The following MORF4L1 variants were observed in gnomAD, a reference collection of about 807,000 sequenced individuals.
MORF4L1 encodes mortality factor 4-like protein 1.
In MORF4L1, 4 loss-of-function variants were observed where a neutral mutation model predicts 52.9. The ratio of observed to expected loss-of-function variants is 0.08; its 90% CI spans 0.04 to 0.17. The LOEUF is 0.17. MORF4L1 is among the 10% of genes least tolerant of loss of function. MORF4L1 has a pLI of 1.00. For synonymous variants in MORF4L1, 123 were observed against 134.8 expected (o/e 0.91, Z 0.61); for missense variants, 214 against 390.4 (o/e 0.55, Z 3.81).
intron 5 of MORF4L1, 129 bp downstream of exon 5, chr15:78,887,478 A>AGGT: frequency 1.4e-6 from 1 of 728,730 alleles, no homozygotes; most frequent in Non-Finnish European, 2.2e-6. Context: ...CCCATTCCTC[A>AGGT]GGTATCAGGT....
intron 5 of MORF4L1, among the ~76,000 whole-genome samples, chr15:78,890,481 GCTTTT>G (rs1375883521): frequency 3.3e-5 from 5 of 151,258 alleles, no homozygotes; most frequent in African/African-American, 1.2e-4. Flanking sequence ...TTCTTGGTTT[GCTTTT>G]CTTTTTTTTT....
At chr15:78,873,123 T>C (rs1444998323) in intron 1 of MORF4L1, 66 bp downstream of exon 1, 3 of 1,540,300 alleles carry the variant, frequency 1.9e-6, no homozygotes, top group Admixed American at 2.0e-5. Flanking sequence ...CTCGAGGTGA[T>C]TGAGGCTTGA....
intron 11 of MORF4L1, among the ~76,000 whole-genome samples, chr15:78,896,130 C>G (rs1338326025): frequency 1.3e-5 from 2 of 151,586 alleles, no homozygotes; most frequent in African/African-American, 4.9e-5. Flanking sequence ...AGGTGCACAC[C>G]ACCATGCCTG....
In MORF4L1 at chr15:78,887,320, A is replaced by G. The variant is rs768469528; in HGVS notation, c.294A>G (p.Thr98=). Reference sequence around the variant, plus strand: ...GAGGGGCTGCCCCAGGAAAGAAGACATCTGGTCTGCAACAGAAAAATGTTG... The same window carrying G: ...GAGGGGCTGCCCCAGGAAAGAAGACGTCTGGTCTGCAACAGAAAAATGTTG... ...KMRGAAPGKK[T]SGLQQKNVEV... The change falls in exon 5 of 12, where the codon ACA becomes ACG. Residue 98 remains threonine, a synonymous_variant. Coordinates refer to ENST00000426013, the MANE Select transcript of MORF4L1 (RefSeq NM_006791.4). 2.3e-5 allele frequency: 37 copies of G among 1,612,444 alleles called. No individual in the cohort carries two copies. The highest frequency in any genetic ancestry group is 1.7e-4 in the Middle Eastern group (1 of 5,840).
chr15:78,880,359 T>G (rs2056578530), intron 2 of MORF4L1, among the ~76,000 whole-genome samples, 153 bp from the exon 3 acceptor site: 1 of 152,260 alleles, frequency 6.6e-6, no homozygotes, highest in Non-Finnish European at 1.5e-5. Flanking sequence ...AATCTTCAGT[T>G]TTGTAACTTG....
intron 1 of MORF4L1, chr15:78,873,281 A>G: frequency 2.1e-6 from 3 of 1,424,110 alleles, no homozygotes; most frequent in African/African-American, 1.5e-5. Flanking sequence ...AGAGTGGGAG[A>G]GAGAGCGTTT....
intron 7 of MORF4L1, 43 bp from the exon 8 acceptor site, chr15:78,892,169 C>T: frequency 1.4e-6 from 2 of 1,413,202 alleles, no homozygotes; most frequent in South Asian, 2.4e-5. Flanking sequence ...TGGTATTTAG[C>T]AAGAAAGGTT....
intron 6 of MORF4L1, 47 bp downstream of exon 6, chr15:78,891,061 C>T (rs373162877): frequency 1.4e-4 from 197 of 1,454,102 alleles, no homozygotes; most frequent in Non-Finnish European, 1.8e-4. Flanking sequence ...ACCTCTATGA[C>T]ATTGACGTTT....
intron 11 of MORF4L1, among the ~76,000 whole-genome samples, chr15:78,895,686 A>G (rs1276362920): frequency 1.3e-5 from 2 of 152,204 alleles, no homozygotes; most frequent in Admixed American, 6.5e-5. Flanking sequence ...TAATCTTTGC[A>G]TAAGATCTGG....
intron 5 of MORF4L1, among the ~76,000 whole-genome samples, chr15:78,890,372 A>G (rs2141479602): frequency 6.6e-6 from 1 of 152,250 alleles, no homozygotes; most frequent in South Asian, 2.1e-4. Flanking sequence ...AAAAATTTTA[A>G]CCTTTGACAC....
chr15:78,874,776 C>G lies in MORF4L1; in HGVS notation c.40+1719C>G, dbSNP rs11072813. 5.8e-5 allele frequency among the ~76,000 whole-genome samples: 8 copies of G among 138,694 alleles called. No individual in the cohort carries two copies. In the South Asian group the frequency reaches 8.8e-4, roughly 15 times the overall value. The allele number at this position is 138,694 out of a possible 152,430, so 91.0% of individuals were successfully genotyped here. A position where few individuals can be genotyped will look rare whatever the true frequency, so the allele number is the denominator to read the frequency against. On this transcript the variant is annotated intron_variant, in intron 1 of 11. Transcript: ENST00000426013. ...CTCTCACCTTGAGAAGCTGTTGACT[C>G]TACCTCCTATGGGTTCATTATTTTA...
In MORF4L1 at chr15:78,897,488, G is replaced by T. The variant is rs878968641; in HGVS notation, c.*421G>T. 3 of 152,182 alleles carry T rather than the reference G, an allele frequency of 2.0e-5. No homozygotes were observed. The highest frequency in any genetic ancestry group is 4.1e-4 in the South Asian group (2 of 4,870). The allele number at this position is 152,182 out of a possible 1,614,324, so 9.4% of individuals were successfully genotyped here. ...AACACACTCATCCATTTGTGCTTTT[G>T]TTTTTTTTTATGGTGCTTAAAGTAA... On this transcript the variant is annotated 3_prime_UTR_variant, in exon 12 of 12. Transcript: ENST00000426013.
At chr15:78,885,211 T>C in intron 3 of MORF4L1, 1 of 703,372 alleles carries the variant, frequency 1.4e-6, no homozygotes, top group Non-Finnish European at 2.2e-6. Flanking sequence ...AGTCTTAAAT[T>C]TTTTTTTGTA....
Position 78,894,161 on chromosome 15 carries a change from A to G in MORF4L1, c.733A>G (p.Ile245Val), listed in dbSNP as rs1198517621. 6.2e-7 allele frequency: 1 copy of G among 1,614,104 alleles called. No individual in the cohort carries two copies. The highest frequency in any genetic ancestry group is 8.5e-7 in the Non-Finnish European group (1 of 1,180,004). Reference sequence around the variant, plus strand: ...ATTTGAGAGACCACAGTATGCTGAAATTCTTGCAGATCATCCCGATGCACC... The same window carrying G: ...ATTTGAGAGACCACAGTATGCTGAAGTTCTTGCAGATCATCCCGATGCACC... Reference protein sequence around the residue: ...YKFERPQYAEILADHPDAPMS... With the variant: ...YKFERPQYAEVLADHPDAPMS... The change falls in exon 10 of 12, where the codon ATT (isoleucine) becomes GTT (valine). Residue 245 changes from isoleucine to valine, a missense_variant. Physicochemically the swap from Ile to Val is conservative, Grantham distance 29 (BLOSUM62 3). Transcript: ENST00000426013.
chr15:78,873,851 C>T (rs2056423857), intron 1 of MORF4L1: 1 of 152,258 alleles, frequency 6.6e-6, no homozygotes, highest in African/African-American at 2.4e-5. Flanking sequence ...TGAGTGAGCT[C>T]TCGCTTTGCA....
At position 78,890,925 on chromosome 15, in the gene MORF4L1, G is replaced by A. The variant is rs931035847; in HGVS notation, c.324-64G>A. ...TCTCTGTGAACTTAACCCTGATAAAGGGAGTTGAAACAGAGGCAGTTTTAC... is the reference window on the plus strand; with the variant it reads ...TCTCTGTGAACTTAACCCTGATAAAAGGAGTTGAAACAGAGGCAGTTTTAC... On this transcript the variant is annotated intron_variant, in intron 5 of 11. Coordinates refer to ENST00000426013, the MANE Select transcript of MORF4L1 (RefSeq NM_006791.4). 3.8e-6 allele frequency: 5 copies of A among 1,319,854 alleles called. No individual in the cohort carries two copies. The African/African-American group carries it at 6.0e-5, about 16-fold the overall frequency. 81.8% of individuals were successfully genotyped at this position (1,319,854 alleles called of 1,614,324 possible). A position where few individuals can be genotyped will look rare whatever the true frequency, so the allele number is the denominator to read the frequency against.
chr15:78,883,494 A>G (rs1596244071), intron 3 of MORF4L1, among the ~76,000 whole-genome samples: 1 of 152,160 alleles, frequency 6.6e-6, no homozygotes, highest in Non-Finnish European at 1.5e-5. Context: ...TTCAGATTTT[A>G]TTGTTTCGAA....
chr15:78,897,194 T>C lies in MORF4L1; in HGVS notation c.*127T>C. ...CAATTGATGTTTGTTTTCTGTTTGA[T>C]TTTAAACAGAGAAAAAATAAAAGGG... On this transcript the variant is annotated 3_prime_UTR_variant, in exon 12 of 12. Coordinates refer to ENST00000426013, the MANE Select transcript of MORF4L1 (RefSeq NM_006791.4). The C allele has an allele frequency of 1.4e-6, 1 of 702,096 alleles. No individual in the cohort carries two copies. Among genetic ancestry groups the C allele is most frequent in the South Asian group, 2.1e-5 (1 of 47,704 alleles). The allele number at this position is 702,096 out of a possible 1,614,324, so 43.5% of individuals were successfully genotyped here. A position where few individuals can be genotyped will look rare whatever the true frequency, so the allele number is the denominator to read the frequency against.
intron 9 of MORF4L1, 137 bp downstream of exon 9, chr15:78,893,764 C>A: frequency 1.5e-6 from 1 of 662,602 alleles, no homozygotes; most frequent in Non-Finnish European, 2.5e-6. Context: ...TGCTTTGACA[C>A]AGGAGTTGGC....
Sources: gnomAD v4.1 joint callset for allele counts (sites outside exome capture counted in the v4.1 genomes callset) on GRCh38, gnomAD v4.1.1 for gene constraint, MANE v1.5 for transcripts, NCBI Gene and HGNC (gene_info 2026-07-23, HGNC 2026-07-21) for gene names.